PAFAH1B1: variants seen among roughly 807,000 people sequenced by gnomAD.
PAFAH1B1 encodes platelet activating factor acetylhydrolase 1b regulatory subunit 1.
PAFAH1B1 carries 2 observed loss-of-function variants against 57.5 expected under a neutral mutation model. The observed-to-expected ratio is 0.03, with a 90% CI of 0.01 to 0.11. The LOEUF (loss-of-function observed/expected upper bound fraction) is 0.11, where lower values mean the gene tolerates loss of function less well. Ranked by LOEUF, PAFAH1B1 falls within the 10% of genes least tolerant of loss-of-function variation. The probability of loss-of-function intolerance (pLI) is 1.00; values close to 1 mark genes in which losing one functional copy is unlikely to be tolerated. For missense variants in PAFAH1B1, 257 were observed against 512.0 expected (o/e 0.50, Z 4.81); for synonymous variants, 152 against 169.6 (o/e 0.90, Z 0.81).
rs150084794 is a variant in PAFAH1B1 at position 2,604,291 on chromosome 17, G to C, written c.-191+10285G>C. On this transcript the variant is annotated intron_variant, in intron 1 of 10. Transcript: ENST00000397195. ...CACCTCAAGTGATCCCCCCGCCTCG[G>C]CCTCCCAAAGTGCTGAGGTTACAGG... Among the ~76,000 whole-genome samples the C allele has an allele frequency of 3.3e-3, 508 of 152,212 alleles. 10 individuals are homozygous for C. The highest frequency in any genetic ancestry group is 0.022 in the East Asian group (116 of 5,176).
intron 3 of PAFAH1B1, 90 bp downstream of exon 3, chr17:2,665,546 A>T: frequency 2.5e-6 from 2 of 789,574 alleles, no homozygotes; most frequent in South Asian, 2.9e-5. Context: ...CAATTTTGTC[A>T]TTTGTTATTG....
intron 2 of PAFAH1B1, among the ~76,000 whole-genome samples, chr17:2,645,771 C>G (rs1449088217): frequency 6.7e-6 from 1 of 150,224 alleles, no homozygotes; most frequent in Non-Finnish European, 1.5e-5. Context: ...CGCCTGGCCA[C>G]TTTTTTGTAT....
chr17:2,641,456 G>T (rs2068693649), intron 2 of PAFAH1B1: 1 of 152,092 alleles, frequency 6.6e-6, no homozygotes, highest in Non-Finnish European at 1.5e-5. Context: ...ACCACACCTG[G>T]CTGTCTTTTC....
At chr17:2,602,270 C>T (rs187722194) in intron 1 of PAFAH1B1, among the ~76,000 whole-genome samples, 109 of 151,432 alleles carry the variant, frequency 7.2e-4, no homozygotes, top group African/African-American at 2.4e-3. Flanking sequence ...AACAAAACAG[C>T]GAGGGCCTAT....
At chr17:2,670,486 CA>C in intron 6 of PAFAH1B1, 155 bp downstream of exon 6, 1 of 737,284 alleles carries the variant, frequency 1.4e-6, no homozygotes. Context: ...GGATAAGCCA[CA>C]GTAGTTGAGA....
rs138951664 is a variant in PAFAH1B1, at chr17:2,668,791, T to C, written c.400-1372T>C. ...GAGATCGAGACCATCCTGGCTAACA[T>C]GGTGAAACCCCGTCTCTACTAAAAA... On this transcript the variant is annotated intron_variant, in intron 5 of 10. Coordinates refer to ENST00000397195, the MANE Select transcript of PAFAH1B1 (RefSeq NM_000430.4). Among the ~76,000 whole-genome samples the C allele has an allele frequency of 3.3e-5, 5 of 152,140 alleles. No homozygotes were observed. The East Asian group carries it at 5.8e-4, about 18-fold the overall frequency.
At chr17:2,601,684 C>CT (rs1303160074) in intron 1 of PAFAH1B1, among the ~76,000 whole-genome samples, 15 of 152,276 alleles carry the variant, frequency 9.9e-5, no homozygotes, top group African/African-American at 3.4e-4. Flanking sequence ...TCAGGTGATC[C>CT]TCCTGCCTCG....
chr17:2,656,439 G>A (rs1257189754), intron 2 of PAFAH1B1, among the ~76,000 whole-genome samples: 3 of 151,790 alleles, frequency 2.0e-5, no homozygotes, highest in Non-Finnish European at 4.4e-5. Context: ...GACAGAGCAA[G>A]ACCTCATCTT....
At chr17:2,607,591 T>C (rs540828831) in intron 1 of PAFAH1B1, among the ~76,000 whole-genome samples, 1 of 152,062 alleles carries the variant, frequency 6.6e-6, no homozygotes, top group African/African-American at 2.4e-5. Flanking sequence ...TTCAAGCGAT[T>C]GTCTGCCTCA....
chr17:2,634,441 C>G (rs1452901754), intron 1 of PAFAH1B1, among the ~76,000 whole-genome samples: 1 of 152,136 alleles, frequency 6.6e-6, no homozygotes, highest in African/African-American at 2.4e-5. Context: ...CCAGTCTCAA[C>G]TTGGTTGTAA....
chr17:2,594,307 C>G (rs1206489364), intron 1 of PAFAH1B1, among the ~76,000 whole-genome samples: 1 of 152,238 alleles, frequency 6.6e-6, no homozygotes, highest in South Asian at 2.1e-4. Flanking sequence ...GACCCCCGCC[C>G]CGCGGCCCTC....
chr17:2,652,227 G>T (rs535727625), intron 2 of PAFAH1B1, among the ~76,000 whole-genome samples: 2 of 151,708 alleles, frequency 1.3e-5, no homozygotes, highest in Non-Finnish European at 2.9e-5. Context: ...TGGCTAACAC[G>T]GTGAAACCCC....
At chr17:2,593,469 C>CA (rs1010429087), upstream of PAFAH1B1, 10 of 153,196 alleles carry the variant, frequency 6.5e-5, no homozygotes, top group African/African-American at 2.4e-4. Context: ...GGCCGGGTGG[C>CA]ACCGCTCAGC....
At chr17:2,624,879 A>C (rs2068469018) in intron 1 of PAFAH1B1, among the ~76,000 whole-genome samples, 1 of 152,134 alleles carries the variant, frequency 6.6e-6, no homozygotes, top group African/African-American at 2.4e-5. Flanking sequence ...GGCAAGTGAC[A>C]GTTTGAGGTT....
intron 8 of PAFAH1B1, 115 bp from the exon 9 acceptor site, chr17:2,676,386 CAAAA>C (rs2069268569): frequency 6.8e-6 from 5 of 735,180 alleles, no homozygotes; most frequent in South Asian, 3.0e-5. Context: ...TGAAAACAAA[CAAAA>C]AACCAAAATG....
At chr17:2,624,505 G>C (rs1382056864) in intron 1 of PAFAH1B1, among the ~76,000 whole-genome samples, 2 of 152,152 alleles carry the variant, frequency 1.3e-5, no homozygotes, top group Admixed American at 1.3e-4. Flanking sequence ...GAAGTGAAAG[G>C]CACTTCTTAC....
intron 1 of PAFAH1B1, among the ~76,000 whole-genome samples, chr17:2,618,954 CAAAAAAAAAAA>C (rs34683975): frequency 1.3e-5 from 1 of 76,264 alleles, no homozygotes; most frequent in Non-Finnish European, 2.5e-5. Flanking sequence ...GACTCCGTCT[CAAAAAAAAAAA>C]AAAAAAAAAA....
intron 2 of PAFAH1B1, among the ~76,000 whole-genome samples, chr17:2,644,502 C>G (rs1189076904): frequency 1.3e-5 from 2 of 152,126 alleles, no homozygotes; most frequent in East Asian, 3.9e-4. Context: ...GCGATCACAC[C>G]CTTGTACTTC....
intron 1 of PAFAH1B1, among the ~76,000 whole-genome samples, chr17:2,601,567 G>A (rs777649168): frequency 1.2e-4 from 18 of 151,992 alleles, no homozygotes; most frequent in African/African-American, 3.6e-4. Context: ...TCAGCCTCCC[G>A]AGTAGCTGAG....
Sources: gnomAD v4.1 joint callset for allele counts (sites outside exome capture counted in the v4.1 genomes callset) on GRCh38, gnomAD v4.1.1 for gene constraint, MANE v1.5 for transcripts, NCBI Gene and HGNC (gene_info 2026-07-23, HGNC 2026-07-21) for gene names.